SUCLG2: variants seen among roughly 807,000 people sequenced by gnomAD.
SUCLG2 encodes succinate-CoA ligase GDP-forming subunit beta, also known as succinate--CoA ligase [GDP-forming] subunit beta, mitochondrial.
SUCLG2 carries 42 observed loss-of-function variants against 47.9 expected under a neutral mutation model. The ratio of observed to expected loss-of-function variants is 0.88; its 90% confidence interval spans 0.69 to 1.14. SUCLG2 has a LOEUF of 1.14. Among genes scored for constraint, SUCLG2 ranks in the 50% most tolerant of loss-of-function variants. The probability of loss-of-function intolerance (pLI) is 0.00; values close to 1 mark genes in which losing one functional copy is unlikely to be tolerated. For missense variants in SUCLG2, 571 were observed against 525.9 expected (o/e 1.09, Z -0.84); for synonymous variants, 195 against 197.3 (o/e 0.99, Z 0.10).
At position 67,517,712 on chromosome 3, in the gene SUCLG2, C is replaced by G. The variant is rs538431874; in HGVS notation, c.660+535G>C. 1.1e-4 allele frequency among the ~76,000 whole-genome samples: 16 copies of G among 152,252 alleles called. No individual in the cohort carries two copies. The South Asian group carries it at 1.2e-3, about 12-fold the overall frequency. On this transcript the variant is annotated intron_variant, in intron 6 of 10. Coordinates refer to ENST00000307227, the MANE Select transcript of SUCLG2 (RefSeq NM_003848.4). ...TTCTCAATAAAATATCAAGTTTATGCCATCAATATTCATTTCAAATGCCCA... is the reference window on the plus strand; with the variant it reads ...TTCTCAATAAAATATCAAGTTTATGGCATCAATATTCATTTCAAATGCCCA...
chr3:67,588,931 T>C (rs1708090032), intron 2 of SUCLG2, among the ~76,000 whole-genome samples: 2 of 152,198 alleles, frequency 1.3e-5, no homozygotes, highest in Admixed American at 6.5e-5. Flanking sequence ...TTGTTTAAAA[T>C]ATCCAGTGGA....
At position 67,654,568 on chromosome 3, in the gene SUCLG2, C is replaced by G. The variant is rs760643310; in HGVS notation, c.19G>C (p.Ala7Pro). 1 of 1,274,190 alleles carries G rather than the reference C, an allele frequency of 7.8e-7. No homozygotes were observed. Among genetic ancestry groups the G allele is most frequent in the Admixed American group, 3.5e-5 (1 of 28,808 alleles). The allele number at this position is 1,274,190 out of a possible 1,614,324, so 78.9% of individuals were successfully genotyped here. A position where few individuals can be genotyped will look rare whatever the true frequency, so the allele number is the denominator to read the frequency against. ...GCTCGCAGAAGCTTCCCGGCCTGCG[C>G]TGCTACGGGGGACGCCATCTTAAAC... is the stretch of plus-strand genomic sequence containing the variant. MASPVA[A>P]QAGKLLRALA... The change falls in exon 1 of 11, where the codon GCG (alanine) becomes CCG (proline). Residue 7 changes from alanine to proline, a missense_variant. Ala to Pro is a conservative substitution (Grantham distance 27, BLOSUM62 -1). Transcript: ENST00000307227.
At chr3:67,581,193 T>C (rs1707869874) in intron 2 of SUCLG2, among the ~76,000 whole-genome samples, 1 of 152,228 alleles carries the variant, frequency 6.6e-6, no homozygotes, top group Non-Finnish European at 1.5e-5. Flanking sequence ...TGGTTAGCAC[T>C]TTCTTTAGTC....
chr3:67,523,897 C>T (rs1382193022), intron 4 of SUCLG2, among the ~76,000 whole-genome samples: 1 of 152,116 alleles, frequency 6.6e-6, no homozygotes, highest in Non-Finnish European at 1.5e-5. Context: ...ATTCAAGAGT[C>T]CTATTCTTAA....
At chr3:67,484,165 G>C (rs1704990305) in intron 9 of SUCLG2, among the ~76,000 whole-genome samples, 1 of 152,124 alleles carries the variant, frequency 6.6e-6, no homozygotes, top group Admixed American at 6.5e-5. Flanking sequence ...ATTGCCTCTG[G>C]CTGCTGGATG....
rs1397768490 is a variant in SUCLG2, at chr3:67,434,514, C to CT, written c.1063-33664dup. On this transcript the variant is annotated intron_variant, in intron 9 of 10. Transcript: ENST00000307227. ...TTGTATTCCAGTCTGGTTCCTGTCT[C>CT]TAACAATAACAACAACAACAATAAC... Among the ~76,000 whole-genome samples, 100 of 152,074 alleles carry CT rather than the reference C, an allele frequency of 6.6e-4. 1 individual carries two copies. The highest frequency in any genetic ancestry group is 1.0e-4 in the Non-Finnish European group (7 of 68,020).
chr3:67,468,344 C>T (rs1435951708), intron 9 of SUCLG2, among the ~76,000 whole-genome samples: 1 of 152,210 alleles, frequency 6.6e-6, no homozygotes, highest in African/African-American at 2.4e-5. Context: ...TCACACTCTT[C>T]TGCAGTGCAA....
At chr3:67,368,263 G>T (rs1043961036) in intron 10 of SUCLG2, among the ~76,000 whole-genome samples, 2 of 152,096 alleles carry the variant, frequency 1.3e-5, no homozygotes, top group Non-Finnish European at 2.9e-5. Flanking sequence ...GAACCCAAAG[G>T]ATTCTTTCTT....
chr3:67,466,539 C>T (rs573385043), intron 9 of SUCLG2, among the ~76,000 whole-genome samples: 1 of 152,252 alleles, frequency 6.6e-6, no homozygotes, highest in South Asian at 2.1e-4. Context: ...TAGTGTATCC[C>T]CTGTCTTGTG....
rs141733415 is a variant in SUCLG2 at position 67,436,508 on chromosome 3, C to T, written c.1063-35657G>A. Among the ~76,000 whole-genome samples the T allele has an allele frequency of 6.3e-4, 96 of 152,260 alleles. No homozygotes were observed. In the South Asian group the frequency reaches 0.011, roughly 18 times the overall value. ...AAATCCTGTAGCCAAACAAGACCAA[C>T]GATTCAAAAATCTTCACTGGTTGAA... is the stretch of plus-strand genomic sequence containing the variant. On this transcript the variant is annotated intron_variant, in intron 9 of 10. Transcript: ENST00000307227.
chr3:67,614,407 T>C (rs1434965151), intron 1 of SUCLG2, among the ~76,000 whole-genome samples: 1 of 151,556 alleles, frequency 6.6e-6, no homozygotes, highest in Non-Finnish European at 1.5e-5. Flanking sequence ...CTATCTCCCC[T>C]GCTGTGACTT....
chr3:67,554,649 C>T (rs1707107992), intron 2 of SUCLG2, among the ~76,000 whole-genome samples: 1 of 152,096 alleles, frequency 6.6e-6, no homozygotes, highest in African/African-American at 2.4e-5. Flanking sequence ...GAAAACTTTA[C>T]ATAAGAGAGA....
intron 1 of SUCLG2, among the ~76,000 whole-genome samples, chr3:67,641,392 G>C (rs1701097654): frequency 6.6e-6 from 1 of 152,192 alleles, no homozygotes; most frequent in Admixed American, 6.5e-5. Context: ...CAAAAGTTCA[G>C]AGACTCCAGA....
chr3:67,442,433 C>T (rs1703790435), intron 9 of SUCLG2, among the ~76,000 whole-genome samples: 2 of 152,136 alleles, frequency 1.3e-5, no homozygotes, highest in South Asian at 2.1e-4. Context: ...TGCGTCCCCA[C>T]CCCGGGCTAC....
intron 2 of SUCLG2, among the ~76,000 whole-genome samples, chr3:67,540,255 G>A (rs780766560): frequency 7.2e-5 from 11 of 151,838 alleles, no homozygotes; most frequent in Non-Finnish European, 1.5e-4. Flanking sequence ...ATTCTGGTAC[G>A]TTGTGTCTTT....
chr3:67,538,417 T>C (rs1286073115), intron 2 of SUCLG2, among the ~76,000 whole-genome samples: 1 of 151,930 alleles, frequency 6.6e-6, no homozygotes. Context: ...TGTTGGTCTA[T>C]ATCTCTGTTT....
intron 9 of SUCLG2, chr3:67,409,086 A>G: frequency 5.2e-6 from 4 of 763,398 alleles, no homozygotes; most frequent in Non-Finnish European, 5.5e-6. Flanking sequence ...TTGTGGACCA[A>G]TGGGTTTTAG....
intron 10 of SUCLG2, among the ~76,000 whole-genome samples, chr3:67,381,900 AGG>A (rs1702166065): frequency 6.6e-6 from 1 of 152,144 alleles, no homozygotes; most frequent in African/African-American, 2.4e-5. Flanking sequence ...CAAAGATGCA[AGG>A]TTAATTTATC....
intron 9 of SUCLG2, among the ~76,000 whole-genome samples, chr3:67,456,536 A>T (rs1236478910): frequency 2.6e-5 from 4 of 152,186 alleles, no homozygotes; most frequent in Admixed American, 2.6e-4. Flanking sequence ...GATCCATGGT[A>T]TGTGAGGGCA....
Sources: allele counts gnomAD v4.1 joint callset (sites outside exome capture counted in the v4.1 genomes callset), GRCh38; gene constraint gnomAD v4.1.1; transcripts MANE v1.5; gene names NCBI Gene and HGNC (gene_info 2026-07-23, HGNC 2026-07-21).